MORC1: variants seen among roughly 807,000 people sequenced by gnomAD.
MORC1 encodes the protein MORC family CW-type zinc finger protein 1.
A neutral mutation model predicts 134.9 loss-of-function variants in MORC1; 59 were observed. The observed-to-expected ratio is 0.44, with a 90% CI of 0.35 to 0.54. The LOEUF is 0.54. MORC1 is among the 20% of genes least tolerant of loss of function. The pLI is 0.00. For missense variants in MORC1, 947 were observed against 1,134.5 expected, an observed-to-expected ratio of 0.83 and a Z score of 2.37; for synonymous variants, 395 against 391.7, an observed-to-expected ratio of 1.01 and a Z score of -0.10.
chr3:108,960,766 C>T (rs1191222820), intron 27 of MORC1, among the ~76,000 whole-genome samples: 3 of 151,966 alleles, frequency 2.0e-5, no homozygotes, highest in African/African-American at 7.3e-5. Flanking sequence ...ATTAGGCATA[C>T]ACCTTATAGT....
At chr3:108,986,791 G>C in intron 22 of MORC1, 89 bp downstream of exon 22, 1 of 897,812 alleles carries the variant, frequency 1.1e-6, no homozygotes, top group African/African-American at 1.7e-5. Flanking sequence ...ACAAACTTCT[G>C]ATCTATATAT....
Position 108,980,565 on chromosome 3 carries a change from T to C in MORC1, c.2325-898A>G, listed in dbSNP as rs575944812. Among the ~76,000 whole-genome samples, 3 of 152,266 alleles carry C rather than the reference T, an allele frequency of 2.0e-5. No homozygotes were observed. The East Asian group carries it at 5.8e-4, about 29-fold the overall frequency. ...ACCCTTAAGGCAGGAAGCCCATACT[T>C]CTTCCCCTAAGCTAGCTTTGGAATA... is the stretch of plus-strand genomic sequence containing the variant. On this transcript the variant is annotated intron_variant, in intron 23 of 27. Coordinates refer to ENST00000232603, the MANE Select transcript of MORC1 (RefSeq NM_014429.4).
chr3:109,047,559 T>C (rs1028008467), intron 14 of MORC1, among the ~76,000 whole-genome samples: 6 of 152,058 alleles, frequency 3.9e-5, no homozygotes, highest in African/African-American at 9.7e-5. Context: ...GTTTTTTTTT[T>C]CCAACAGTCA....
chr3:108,978,641 G>A (rs1947628295), intron 24 of MORC1, among the ~76,000 whole-genome samples: 2 of 152,284 alleles, frequency 1.3e-5, no homozygotes, highest in South Asian at 4.2e-4. Flanking sequence ...CCCTATGTAC[G>A]TGTTCTCCTC....
chr3:109,033,286 G>GAGGAAGGA (rs55742240), intron 15 of MORC1, among the ~76,000 whole-genome samples: 11,396 of 136,564 alleles, frequency 0.083, 575 homozygotes, highest in Middle Eastern at 0.13. Context: ...AGCAAGAAAG[G>GAGGAAGGA]AGGAAGGAAG....
chr3:109,009,466 A>G (rs1948631808), intron 17 of MORC1, among the ~76,000 whole-genome samples: 1 of 152,000 alleles, frequency 6.6e-6, no homozygotes, highest in South Asian at 2.1e-4. Flanking sequence ...AGCCTCCCAA[A>G]GTGCTGGGAT....
chr3:109,099,562 T>TGGAAAGAACATC, intron 5 of MORC1, 96 bp from the exon 6 acceptor site: 1 of 903,664 alleles, frequency 1.1e-6, no homozygotes, highest in Non-Finnish European at 1.6e-6. Flanking sequence ...AACAGGATGT[T>TGGAAAGAACATC]CTTTCCAACA....
At chr3:109,073,410 ACTT>A (rs143639103) in intron 8 of MORC1, among the ~76,000 whole-genome samples, 123,989 of 151,678 alleles carry the variant, frequency 0.82, 50,993 homozygotes, top group East Asian at 0.93. Context: ...TGATTCTGCC[ACTT>A]TGATTGGACA....
At chr3:109,032,077 C>T (rs990828751) in intron 16 of MORC1, among the ~76,000 whole-genome samples, 1 of 151,898 alleles carries the variant, frequency 6.6e-6, no homozygotes, top group Non-Finnish European at 1.5e-5. Flanking sequence ...GAGTTATTAC[C>T]CTAATGTCTA....
At chr3:108,972,169 T>C (rs934057147) in intron 24 of MORC1, among the ~76,000 whole-genome samples, 4 of 152,176 alleles carry the variant, frequency 2.6e-5, no homozygotes, top group African/African-American at 7.2e-5. Context: ...CAAAGGACAA[T>C]AGCACCCATC....
At chr3:108,973,385 C>T (rs2593948) in intron 24 of MORC1, among the ~76,000 whole-genome samples, 19,203 of 151,990 alleles carry the variant, frequency 0.13, 1,295 homozygotes, top group Non-Finnish European at 0.15. Context: ...AGAAGGGGTT[C>T]TAACTCATAT....
At chr3:109,034,185 G>T (rs1246977785) in intron 15 of MORC1, among the ~76,000 whole-genome samples, 1 of 152,070 alleles carries the variant, frequency 6.6e-6, no homozygotes, top group Non-Finnish European at 1.5e-5. Context: ...TCACTGAGCT[G>T]CCAGAACAAC....
chr3:109,030,793 C>T (rs1157506919), intron 16 of MORC1, among the ~76,000 whole-genome samples: 1 of 152,080 alleles, frequency 6.6e-6, no homozygotes, highest in Non-Finnish European at 1.5e-5. Flanking sequence ...AAGGTGACTA[C>T]AATCAGCAAT....
intron 11 of MORC1, among the ~76,000 whole-genome samples, chr3:109,060,431 C>T (rs879191956): frequency 6.6e-6 from 1 of 151,364 alleles, no homozygotes; most frequent in African/African-American, 2.4e-5. Flanking sequence ...AACTCATTCA[C>T]TACTCTAAAT....
chr3:109,084,763 A>T (rs1270847350), intron 8 of MORC1, among the ~76,000 whole-genome samples: 1 of 152,148 alleles, frequency 6.6e-6, no homozygotes, highest in Non-Finnish European at 1.5e-5. Context: ...AAATTATAGT[A>T]ACCAAATCAG....
chr3:109,044,407 A>C (rs922443368), intron 14 of MORC1, among the ~76,000 whole-genome samples: 5 of 151,864 alleles, frequency 3.3e-5, no homozygotes, highest in Admixed American at 3.3e-4. Context: ...AAATACAAAA[A>C]ATTAGCCAGG....
chr3:109,104,193 G>T (rs552802402), intron 3 of MORC1, among the ~76,000 whole-genome samples: 6 of 152,144 alleles, frequency 3.9e-5, no homozygotes, highest in Admixed American at 6.5e-5. Flanking sequence ...TCTGCAACTG[G>T]ACTAGTCCTT....
At chr3:109,041,316 A>C (rs1949541041) in intron 14 of MORC1, among the ~76,000 whole-genome samples, 4 of 152,118 alleles carry the variant, frequency 2.6e-5, no homozygotes, top group Admixed American at 2.0e-4. Flanking sequence ...ATCTCAAAAA[A>C]AAAGAAAAAA....
intron 21 of MORC1, among the ~76,000 whole-genome samples, chr3:108,993,243 T>C (rs2107495953): frequency 6.6e-6 from 1 of 152,330 alleles, no homozygotes. Flanking sequence ...CCCTCAAAAA[T>C]GTCTAACATA....
Sources: gnomAD v4.1 joint callset for allele counts (sites outside exome capture counted in the v4.1 genomes callset) on GRCh38, gnomAD v4.1.1 for gene constraint, MANE v1.5 for transcripts, NCBI Gene and HGNC (gene_info 2026-07-23, HGNC 2026-07-21) for gene names.